Variants in PLCB2 observed in about 807,000 individuals in gnomAD.
PLCB2 encodes the protein 1-phosphatidylinositol 4,5-bisphosphate phosphodiesterase beta-2.
Under a neutral mutation model 141.7 loss-of-function variants are expected in PLCB2, and 115 were observed. The ratio of observed to expected loss-of-function variants is 0.81; its 90% CI spans 0.70 to 0.95. The LOEUF is 0.95. Among genes scored for constraint, PLCB2 ranks in the 40% least tolerant of loss-of-function variants. The pLI, the probability that PLCB2 is intolerant of heterozygous loss-of-function variation, is 0.00. For synonymous variants in PLCB2, 603 were observed against 595.6 expected, an observed-to-expected ratio of 1.01 and a Z score of -0.18; for missense variants, 1,403 against 1,541.1, an observed-to-expected ratio of 0.91 and a Z score of 1.50.
chr15:40,304,191 T>C (rs1012882309), intron 1 of PLCB2, 113 bp from the exon 2 acceptor site: 5 of 690,590 alleles, frequency 7.2e-6, no homozygotes, highest in African/African-American at 7.2e-5. Context: ...ATCCCAGAAA[T>C]CTGAAGGCAT....
Position 40,297,740 on chromosome 15 carries a change from G to T in PLCB2, c.1239-135C>A. 1 of 938,250 alleles carries T rather than the reference G, an allele frequency of 1.1e-6. No homozygotes were observed. The highest frequency in any genetic ancestry group is 1.7e-6 in the Non-Finnish European group (1 of 590,218). 58.1% of individuals were successfully genotyped at this position (938,250 alleles called of 1,614,324 possible). A position where few individuals can be genotyped will look rare whatever the true frequency, so the allele number is the denominator to read the frequency against. On this transcript the variant is annotated intron_variant, in intron 12 of 31. Coordinates refer to ENST00000260402, the MANE Select transcript of PLCB2 (RefSeq NM_004573.3). This position sits in a 1 kb window ranked among gnomAD's most constrained non-coding sequence, Gnocchi z 4.2. ...TGGGACTCGAGCAGGAGAACATGAG[G>T]CCTTAGGGTGATTATACTGAGACGT...
chr15:40,302,208 C>T lies in PLCB2; in HGVS notation c.453-19G>A. The T allele has an allele frequency of 1.2e-6, 2 of 1,613,474 alleles. No individual in the cohort carries two copies. The highest frequency in any genetic ancestry group is 1.7e-6 in the Non-Finnish European group (2 of 1,179,552). On this transcript the variant is annotated intron_variant, in intron 5 of 31. Transcript: ENST00000260402. ...CACAAGGCTGGGGGCAGAAAGCAGC[C>T]CGTCAAGGCCCAGGGCTGGCATGCT...
At chr15:40,303,826 G>T (rs1186339088) in intron 2 of PLCB2, 175 bp downstream of exon 2, 4 of 573,488 alleles carry the variant, frequency 7.0e-6, no homozygotes, top group South Asian at 2.2e-5. Flanking sequence ...TGGAGTGACT[G>T]CATCCTCCTT....
In PLCB2 at chr15:40,297,789, A is replaced by T; in HGVS notation, c.1238+88T>A. 1 of 1,101,098 alleles carries T rather than the reference A, an allele frequency of 9.1e-7. No individual in the cohort carries two copies. Among genetic ancestry groups the T allele is most frequent in the Non-Finnish European group, 1.4e-6 (1 of 722,892 alleles). 68.2% of individuals were successfully genotyped at this position (1,101,098 alleles called of 1,614,324 possible). On this transcript the variant is annotated intron_variant, in intron 12 of 31. Coordinates refer to ENST00000260402, the MANE Select transcript of PLCB2 (RefSeq NM_004573.3). This position sits in a 1 kb window ranked among gnomAD's most constrained non-coding sequence, Gnocchi z 4.2. ...GTGGGAGAAGCTGTAGGCAATGGTT[A>T]GAGGCTGGGGCAGTTGTGGGGAGGA...
At chr15:40,299,570 T>G (rs891692123) in intron 7 of PLCB2, among the ~76,000 whole-genome samples, 1 of 151,958 alleles carries the variant, frequency 6.6e-6, no homozygotes, top group African/African-American at 2.4e-5. Flanking sequence ...GGACAAATAT[T>G]CAAAAAGAAG....
intron 1 of PLCB2, among the ~76,000 whole-genome samples, chr15:40,305,252 T>C (rs1337473030): frequency 1.3e-5 from 2 of 151,350 alleles, no homozygotes; most frequent in Admixed American, 6.6e-5. Flanking sequence ...ATAGTATACA[T>C]GTGCCATGGT....
chr15:40,296,811 C>T lies in PLCB2; in HGVS notation c.1421G>A (p.Ser474Asn). The change falls in exon 14 of 32, where the codon AGT becomes AAT. Residue 474 changes from serine to asparagine, a missense_variant. This residue lies in a region of PLCB2 where 975 missense variants were observed against 1,141.1 expected (regional missense o/e 0.85). Coordinates refer to ENST00000260402, the MANE Select transcript of PLCB2 (RefSeq NM_004573.3). The stretch of plus-strand genomic sequence containing the variant: ...CTCAGCCTCCCCACCAGTATCCTTA[C>T]TGGAGGAGGTGGGGCCAGAAAACTG... ...KNQFSGPTSS[S>N]KDTGGEAEGS... The T allele has an allele frequency of 1.2e-6, 2 of 1,614,144 alleles. No individual in the cohort carries two copies. The highest frequency in any genetic ancestry group is 1.3e-5 in the African/African-American group (1 of 75,044).
Position 40,288,707 on chromosome 15 carries a change from T to G in PLCB2, c.*8A>C. 2 of 1,574,774 alleles carry G rather than the reference T, an allele frequency of 1.3e-6. No individual in the cohort carries two copies. The highest frequency in any genetic ancestry group is 1.7e-6 in the Non-Finnish European group (2 of 1,153,778). On this transcript the variant is annotated 3_prime_UTR_variant, in exon 32 of 32. Coordinates refer to ENST00000260402, the MANE Select transcript of PLCB2 (RefSeq NM_004573.3). ...CTCCTTGCTAAATGTCCCAGTGGGA[T>G]GGGGGCATCAGAGGCGGCTCTCCTG...
In PLCB2 at chr15:40,297,273, C is replaced by A. The variant is rs2040271152; in HGVS notation, c.1323+248G>T. Reference sequence around the variant, plus strand: ...CATAACAACCACTGGATTGTAATGGCCTGGTTACTTGTCTGTCTCCTCACT... The same window carrying A: ...CATAACAACCACTGGATTGTAATGGACTGGTTACTTGTCTGTCTCCTCACT... On this transcript the variant is annotated intron_variant, in intron 13 of 31. Coordinates refer to ENST00000260402, the MANE Select transcript of PLCB2 (RefSeq NM_004573.3). The surrounding 1 kb of genome is among the most constrained non-coding windows in gnomAD (Gnocchi z 4.2). Among the ~76,000 whole-genome samples the A allele has an allele frequency of 6.6e-6, 1 of 151,494 alleles. No homozygotes were observed.
chr15:40,301,831 G>T, intron 7 of PLCB2, 126 bp downstream of exon 7: 1 of 817,622 alleles, frequency 1.2e-6, no homozygotes, highest in Non-Finnish European at 2.1e-6. Flanking sequence ...AGGGTTGATT[G>T]GCTCTCCAGG....
Position 40,288,569 on chromosome 15 carries a change from C to T in PLCB2, c.*146G>A, listed in dbSNP as rs369918412. The T allele has an allele frequency of 5.3e-5, 74 of 1,385,100 alleles. No homozygotes were observed. Among genetic ancestry groups the T allele is most frequent in the East Asian group, 3.6e-4 (14 of 39,056 alleles). 85.8% of individuals were successfully genotyped at this position (1,385,100 alleles called of 1,614,324 possible). ...GTCCTGTCTCAGACTCTGGCCTGGCCGTTGAGGAGGGGGCTGCAGCGTCCA... is the reference window on the plus strand; with the variant it reads ...GTCCTGTCTCAGACTCTGGCCTGGCTGTTGAGGAGGGGGCTGCAGCGTCCA... On this transcript the variant is annotated 3_prime_UTR_variant, in exon 32 of 32. Transcript: ENST00000260402.
chr15:40,286,523 C>T (rs150442094), downstream of PLCB2, among the ~76,000 whole-genome samples: 53 of 152,256 alleles, frequency 3.5e-4, no homozygotes, highest in Non-Finnish European at 7.4e-4. Context: ...GAGTCTGAGT[C>T]AGCAATGGAA....
In PLCB2 at chr15:40,291,510, C is replaced by T. The variant is rs745950135; in HGVS notation, c.2648-23G>A. 2.3e-5 allele frequency: 36 copies of T among 1,596,090 alleles called. No individual in the cohort carries two copies. In the South Asian group the frequency reaches 3.9e-4, roughly 17 times the overall value. Reference sequence around the variant, plus strand: ...GCTCTGCGGAGGCCCGGGTGAGGCGCAACACCGGCCAGGCCGTCCTGCCCG... The same window carrying T: ...GCTCTGCGGAGGCCCGGGTGAGGCGTAACACCGGCCAGGCCGTCCTGCCCG... On this transcript the variant is annotated intron_variant, in intron 25 of 31. Coordinates refer to ENST00000260402, the MANE Select transcript of PLCB2 (RefSeq NM_004573.3).
chr15:40,307,572 G>T lies in PLCB2; in HGVS notation c.84+17C>A. ...ACCACCTGGTGCTCCAGCAGCTGAG[G>T]CCCCTGCCCCACTTACATCATCCCA... On this transcript the variant is annotated intron_variant, in intron 1 of 31. Transcript: ENST00000260402. The T allele has an allele frequency of 6.6e-7, 1 of 1,512,408 alleles. No homozygotes were observed. Among genetic ancestry groups the T allele is most frequent in the Non-Finnish European group, 9.1e-7 (1 of 1,104,392 alleles). 93.7% of individuals were successfully genotyped at this position (1,512,408 alleles called of 1,614,324 possible). A position where few individuals can be genotyped will look rare whatever the true frequency, so the allele number is the denominator to read the frequency against.
In PLCB2 at chr15:40,307,813, A is replaced by G. The variant is rs376360229; in HGVS notation, c.-141T>C. ...CTGCTCCAGAAATCTAGTTGCTCTT[A>G]TAGCCCCTGGGGTGGCCCTGGCTGA... On this transcript the variant is annotated 5_prime_UTR_variant, in exon 1 of 32. It removes the in-frame stop codon of an upstream open reading frame in the 5' UTR. Transcript: ENST00000260402. 3.2e-6 allele frequency: 2 copies of G among 627,822 alleles called. No homozygotes were observed. Among genetic ancestry groups the G allele is most frequent in the Non-Finnish European group, 5.3e-6 (2 of 374,044 alleles). The allele number at this position is 627,822 out of a possible 1,614,324, so 38.9% of individuals were successfully genotyped here.
Position 40,301,980 on chromosome 15 carries a change from C to A in PLCB2, c.559G>T (p.Ala187Ser), listed in dbSNP as rs201088044. 1,972 of 1,614,004 alleles carry A rather than the reference C, an allele frequency of 1.2e-3. 5 individuals carry two copies. Among genetic ancestry groups the A allele is most frequent in the Non-Finnish European group, 1.5e-3 (1,785 of 1,179,928 alleles). Residue 187 changes from alanine to serine, a missense_variant, in exon 7 of 32, where the codon GCC becomes TCC. By Grantham distance (99) the Ala-to-Ser change is moderately conservative (BLOSUM62 1). Coordinates refer to ENST00000260402, the MANE Select transcript of PLCB2 (RefSeq NM_004573.3). Reference protein sequence around the residue: ...DRKRVEAALSACHLPKGKNDA... With the variant: ...DRKRVEAALSSCHLPKGKNDA... Reference sequence around the variant, plus strand: ...ACTTTGCCTTTGGGGAGGTGGCAGGCACTGAGAGCAGCTTCCACCCGCTTG... The same window carrying A: ...ACTTTGCCTTTGGGGAGGTGGCAGGAACTGAGAGCAGCTTCCACCCGCTTG...
At position 40,288,711 on chromosome 15, in the gene PLCB2, G is replaced by A; in HGVS notation, c.*4C>T. 6.3e-7 allele frequency: 1 copy of A among 1,580,922 alleles called. No homozygotes were observed. The highest frequency in any genetic ancestry group is 8.6e-7 in the Non-Finnish European group (1 of 1,156,928). On this transcript the variant is annotated 3_prime_UTR_variant, in exon 32 of 32. Coordinates refer to ENST00000260402, the MANE Select transcript of PLCB2 (RefSeq NM_004573.3). ...TTGCTAAATGTCCCAGTGGGATGGG[G>A]GCATCAGAGGCGGCTCTCCTGGGCA...
downstream of PLCB2, chr15:40,284,542 A>G (rs543063181): frequency 1.5e-4 from 66 of 454,994 alleles, no homozygotes; most frequent in Non-Finnish European, 2.8e-4. Context: ...CTGCAAAAGA[A>G]AGAAGGAAGG....
rs182351928 is a variant in PLCB2 at position 40,300,602 on chromosome 15, T to C, written c.582+1355A>G. 390 of 152,346 alleles carry C rather than the reference T, an allele frequency of 2.6e-3. 4 individuals carry two copies. Among genetic ancestry groups the C allele is most frequent in the African/African-American group, 9.2e-3 (383 of 41,582 alleles). 9.4% of individuals were successfully genotyped at this position (152,346 alleles called of 1,614,324 possible). A position where few individuals can be genotyped will look rare whatever the true frequency, so the allele number is the denominator to read the frequency against. Reference sequence around the variant, plus strand: ...TAAAAAGGAATGAAGTACTCATGCATGCTACAACATGGATAAACCTTGAAA... The same window carrying C: ...TAAAAAGGAATGAAGTACTCATGCACGCTACAACATGGATAAACCTTGAAA... On this transcript the variant is annotated intron_variant, in intron 7 of 31. Coordinates refer to ENST00000260402, the MANE Select transcript of PLCB2 (RefSeq NM_004573.3).
Sources: allele counts gnomAD v4.1 joint callset (sites outside exome capture counted in the v4.1 genomes callset), GRCh38; gene constraint gnomAD v4.1.1; regional missense constraint gnomAD v4.1.1; non-coding constraint Gnocchi (gnomAD v3.1); transcripts MANE v1.5; gene names NCBI Gene and HGNC (gene_info 2026-07-23, HGNC 2026-07-21).